The following ULK4 variants were observed in gnomAD, a reference collection of about 807,000 sequenced individuals.
ULK4 encodes unc-51 like kinase 4, also known as inactive serine/threonine-protein kinase ULK4.
A neutral mutation model predicts 160.6 loss-of-function variants in ULK4; 133 were observed. That is an observed-to-expected ratio of 0.83 (90% confidence interval 0.72 to 0.96). ULK4 has a LOEUF of 0.96. Among genes scored for constraint, ULK4 ranks in the 40% least tolerant of loss-of-function variants. The probability of loss-of-function intolerance (pLI) is 0.00; values close to 1 mark genes in which losing one functional copy is unlikely to be tolerated. For missense variants in ULK4, 1,580 were observed against 1,499.5 expected (o/e 1.05, Z -0.89); for synonymous variants, 534 against 539.8 (o/e 0.99, Z 0.15).
intron 35 of ULK4, among the ~76,000 whole-genome samples, chr3:41,388,690 T>A (rs1397295278): frequency 1.3e-5 from 2 of 152,182 alleles, no homozygotes; most frequent in African/African-American, 2.4e-5. Context: ...GTTGTAGATA[T>A]GCGGCATTAT....
chr3:41,504,377 T>C (rs2085310636), intron 32 of ULK4, among the ~76,000 whole-genome samples: 1 of 152,208 alleles, frequency 6.6e-6, no homozygotes, highest in Non-Finnish European at 1.5e-5. Flanking sequence ...CAGCTGAAAT[T>C]AGTTCTCAAA....
chr3:41,955,251 C>A (rs750476314), intron 1 of ULK4, among the ~76,000 whole-genome samples: 1 of 152,238 alleles, frequency 6.6e-6, no homozygotes, highest in East Asian at 1.9e-4. Flanking sequence ...GATCGCACCA[C>A]TGCACTCCAA....
chr3:41,614,588 C>T (rs1420927044), intron 31 of ULK4, among the ~76,000 whole-genome samples: 2 of 152,184 alleles, frequency 1.3e-5, no homozygotes, highest in African/African-American at 4.8e-5. Context: ...CAGGCTCTAA[C>T]CTTACATGTT....
intron 32 of ULK4, among the ~76,000 whole-genome samples, chr3:41,497,576 A>G (rs1391268719): frequency 6.6e-6 from 1 of 152,192 alleles, no homozygotes; most frequent in Non-Finnish European, 1.5e-5. Flanking sequence ...AATTATAAAT[A>G]TGACCACACC....
intron 21 of ULK4, among the ~76,000 whole-genome samples, chr3:41,763,553 T>C (rs2039060538): frequency 6.6e-6 from 1 of 152,232 alleles, no homozygotes; most frequent in Non-Finnish European, 1.5e-5. Flanking sequence ...CATTTTATTG[T>C]CATATAATAT....
intron 17 of ULK4, among the ~76,000 whole-genome samples, chr3:41,850,808 T>G (rs1189038978): frequency 6.6e-6 from 1 of 152,176 alleles, no homozygotes; most frequent in African/African-American, 2.4e-5. Flanking sequence ...AGCTCTTTAG[T>G]TTAATTAGAT....
intron 33 of ULK4, among the ~76,000 whole-genome samples, chr3:41,456,451 TAA>T (rs1344765060): frequency 2.0e-5 from 3 of 152,194 alleles, no homozygotes; most frequent in African/African-American, 7.2e-5. Context: ...AAATAACATC[TAA>T]AATATTTGTC....
chr3:41,382,871 A>T (rs1029742800), intron 35 of ULK4, among the ~76,000 whole-genome samples: 1 of 152,178 alleles, frequency 6.6e-6, no homozygotes, highest in Non-Finnish European at 1.5e-5. Flanking sequence ...CTTGCTAAGG[A>T]AAGAGATATA....
intron 18 of ULK4, among the ~76,000 whole-genome samples, chr3:41,831,127 G>A (rs902260721): frequency 4.0e-5 from 6 of 151,810 alleles, no homozygotes; most frequent in Non-Finnish European, 7.4e-5. Flanking sequence ...TCGTAGGCTT[G>A]AGCAATCCTC....
At chr3:41,641,147 C>A (rs2034171934) in intron 30 of ULK4, among the ~76,000 whole-genome samples, 1 of 152,190 alleles carries the variant, frequency 6.6e-6, no homozygotes, top group African/African-American at 2.4e-5. Flanking sequence ...TGAGAGGAGA[C>A]AGGCTGAATA....
intron 35 of ULK4, among the ~76,000 whole-genome samples, chr3:41,354,208 G>C (rs2080983370): frequency 6.6e-6 from 1 of 152,156 alleles, no homozygotes; most frequent in Non-Finnish European, 1.5e-5. Flanking sequence ...ACTATCCTTG[G>C]TTCATTGTTG....
Position 41,384,947 on chromosome 3 carries a change from C to G in ULK4, c.3678+13132G>C, listed in dbSNP as rs562837319. On this transcript the variant is annotated intron_variant, in intron 35 of 36. Transcript: ENST00000301831. ...GTGCATGCCTGTAGTCCCAGCTACT[C>G]GGAAGGCTGAGGTGAGATAATCAAT... Among the ~76,000 whole-genome samples, 6 of 152,136 alleles carry G rather than the reference C, an allele frequency of 3.9e-5. No individual in the cohort carries two copies. In the South Asian group the frequency reaches 6.2e-4, roughly 16 times the overall value.
chr3:41,668,284 A>G (rs2035416321), intron 29 of ULK4, among the ~76,000 whole-genome samples: 1 of 152,246 alleles, frequency 6.6e-6, no homozygotes, highest in African/African-American at 2.4e-5. Flanking sequence ...AGGCTAGACT[A>G]CATTATAAAA....
rs377258420 is a variant in ULK4, at chr3:41,765,713, TTAAG to T, written c.2194-11229_2194-11226del. Among the ~76,000 whole-genome samples, 140 of 152,216 alleles carry T rather than the reference TTAAG, an allele frequency of 9.2e-4. 3 individuals are homozygous for T. In the South Asian group the frequency reaches 0.028, roughly 30 times the overall value. On this transcript the variant is annotated intron_variant, in intron 21 of 36. Coordinates refer to ENST00000301831, the MANE Select transcript of ULK4 (RefSeq NM_017886.4). ...ACTAGAAAGACTCCAAATTAAAAAC[TTAAG>T]TAAGGAGTGGAGGAAGCAATCTTAT...
chr3:41,813,606 C>G lies in ULK4; in HGVS notation c.1848+5817G>C, dbSNP rs1369686625. Among the ~76,000 whole-genome samples, 13 of 152,236 alleles carry G rather than the reference C, an allele frequency of 8.5e-5. No individual in the cohort carries two copies. The East Asian group carries it at 1.9e-3, about 23-fold the overall frequency. Reference sequence around the variant, plus strand: ...TTTGAAATGTTTTAGACACTAATTACCTAAACAAGGAGCAAGTAAGTTAAA... The same window carrying G: ...TTTGAAATGTTTTAGACACTAATTAGCTAAACAAGGAGCAAGTAAGTTAAA... On this transcript the variant is annotated intron_variant, in intron 19 of 36. Coordinates refer to ENST00000301831, the MANE Select transcript of ULK4 (RefSeq NM_017886.4).
intron 17 of ULK4, among the ~76,000 whole-genome samples, chr3:41,866,221 A>T (rs761525168): frequency 6.6e-6 from 1 of 152,038 alleles, no homozygotes; most frequent in African/African-American, 2.4e-5. Context: ...ACATCGTAAG[A>T]CCTCCACTAT....
chr3:41,866,328 T>TA (rs914413956), intron 17 of ULK4, among the ~76,000 whole-genome samples: 3 of 152,216 alleles, frequency 2.0e-5, no homozygotes, highest in African/African-American at 7.2e-5. Flanking sequence ...CAATATATAT[T>TA]AATGCAGCAG....
intron 32 of ULK4, among the ~76,000 whole-genome samples, chr3:41,506,764 T>TAAAA (rs200785051): frequency 0.01 from 204 of 19,922 alleles, 24 homozygotes; most frequent in Middle Eastern, 0.042. Flanking sequence ...GAGTGTGATT[T>TAAAA]AAAATATATA....
chr3:41,953,285 C>CACACATATATATATATATATAT (rs374288098), intron 2 of ULK4, among the ~76,000 whole-genome samples: 7 of 85,910 alleles, frequency 8.1e-5, no homozygotes, highest in South Asian at 4.5e-4. Flanking sequence ...CATATATACA[C>CACACATATATATATATATATAT]ATATATATAT....
Sources: gnomAD v4.1 joint callset for allele counts (sites outside exome capture counted in the v4.1 genomes callset) on GRCh38, gnomAD v4.1.1 for gene constraint, MANE v1.5 for transcripts, NCBI Gene and HGNC (gene_info 2026-07-23, HGNC 2026-07-21) for gene names.